Variants in RYR3 observed in about 807,000 individuals in gnomAD.
The protein encoded by RYR3 is ryanodine receptor 3, also known as brain ryanodine receptor-calcium release channel.
Under a neutral mutation model 584.3 loss-of-function variants are expected in RYR3, and 207 were observed. The observed-to-expected ratio is 0.35, with a 90% CI of 0.32 to 0.40. RYR3 has a LOEUF of 0.40. RYR3 is among the 10% of genes least tolerant of loss of function. The pLI is 1.00. For missense variants in RYR3, 5,616 were observed against 6,089.2 expected (o/e 0.92, Z 2.59); for synonymous variants, 2,416 against 2,248.5 (o/e 1.07, Z -2.11).
chr15:33,566,908 C>A, intron 12 of RYR3, 109 bp downstream of exon 12: 3 of 1,239,676 alleles, frequency 2.4e-6, no homozygotes, highest in Non-Finnish European at 3.5e-6. Flanking sequence ...AATAATGATA[C>A]ACCAGCAAAG....
At chr15:33,646,629 G>C in intron 29 of RYR3, 103 bp downstream of exon 29, 1 of 1,044,316 alleles carries the variant, frequency 9.6e-7, no homozygotes, top group East Asian at 2.4e-5. Flanking sequence ...CACTGATAGG[G>C]TTCTCTCTGC....
chr15:33,688,822 C>T (rs2065202622), intron 38 of RYR3, among the ~76,000 whole-genome samples: 1 of 152,074 alleles, frequency 6.6e-6, no homozygotes, highest in Non-Finnish European at 1.5e-5. Context: ...TGTGGCAATT[C>T]CTCAAGGATC....
intron 46 of RYR3, 39 bp downstream of exon 46, chr15:33,726,545 A>G: frequency 6.5e-7 from 1 of 1,549,912 alleles, no homozygotes; most frequent in Non-Finnish European, 8.7e-7. Flanking sequence ...GCAGTCTCCC[A>G]GCAGCCACTG....
chr15:33,479,659 T>C (rs911680944), intron 2 of RYR3, among the ~76,000 whole-genome samples: 1 of 152,126 alleles, frequency 6.6e-6, no homozygotes, highest in African/African-American at 2.4e-5. Flanking sequence ...TCATGAAGAT[T>C]GTTCATTCCA....
At chr15:33,636,223 A>G (rs1188711974) in intron 26 of RYR3, among the ~76,000 whole-genome samples, 153 bp from the exon 27 acceptor site, 4 of 152,162 alleles carry the variant, frequency 2.6e-5, no homozygotes, top group Non-Finnish European at 1.5e-5. Context: ...CATTTATAAC[A>G]TAGACCACTC....
chr15:33,742,401 C>A lies in RYR3; in HGVS notation c.7856C>A (p.Thr2619Asn), dbSNP rs772138404. 6 of 1,613,272 alleles carry A rather than the reference C, an allele frequency of 3.7e-6. No homozygotes were observed. Among genetic ancestry groups the A allele is most frequent in the East Asian group, 4.5e-5 (2 of 44,882 alleles). The change falls in exon 52 of 104, where the codon ACC (threonine) becomes AAC (asparagine). Residue 2619 changes from threonine (T) to asparagine (N), a missense_variant. Physicochemically the swap from Thr to Asn is moderately conservative, Grantham distance 65. Around this residue, in one of 9 missense-constraint regions of RYR3, gnomAD observed 1,280 missense variants for 1,426.2 expected, o/e 0.90. Coordinates refer to ENST00000634891, the MANE Select transcript of RYR3 (RefSeq NM_001036.6). The stretch of plus-strand genomic sequence containing the variant: ...CCTGAAAAATTGGAATACATCGTCA[C>A]CAAGTATGCTGAGCATTCACATGAT... The part of the protein sequence containing the change: ...SLPEKLEYIV[T>N]KYAEHSHDKW...
intron 63 of RYR3, among the ~76,000 whole-genome samples, chr15:33,772,658 C>T (rs1007603237): frequency 2.0e-5 from 3 of 152,200 alleles, no homozygotes; most frequent in African/African-American, 4.8e-5. Flanking sequence ...AGTGCCACCA[C>T]CTCCTCCAGC....
Position 33,586,111 on chromosome 15 carries a change from C to T in RYR3, c.1783C>T (p.His595Tyr), listed in dbSNP as rs746502688. 2.5e-6 allele frequency: 4 copies of T among 1,588,640 alleles called. No individual in the cohort carries two copies. The Admixed American group carries it at 5.0e-5, about 20-fold the overall frequency. The change falls in exon 16 of 104, where the codon CAC becomes TAC. Residue 595 changes from histidine to tyrosine, a missense_variant. By Grantham distance (83) the His-to-Tyr change is moderately conservative (BLOSUM62 2). This residue lies in a region of RYR3 where 1,284 missense variants were observed against 1,344.6 expected (regional missense o/e 0.95). Coordinates refer to ENST00000634891, the MANE Select transcript of RYR3 (RefSeq NM_001036.6). ...CCTGTTGGATAAGCACGGGCGGAAT[C>T]ACAAGGTAGGTGTGGAAAGAACGGT... The part of the protein sequence containing the change: ...ISLLDKHGRN[H>Y]KVLDILCSLC...
chr15:33,699,653 A>G lies in RYR3; in HGVS notation c.6250-51A>G, dbSNP rs977867924. On this transcript the variant is annotated intron_variant, in intron 40 of 103. Coordinates refer to ENST00000634891, the MANE Select transcript of RYR3 (RefSeq NM_001036.6). ...AGACTCTGAGGTCAGAGTTTTCAGA[A>G]AGGCCTCATGATAGATTCTTTTGTC... 21 of 1,561,942 alleles carry G rather than the reference A, an allele frequency of 1.3e-5. No homozygotes were observed. The Admixed American group carries it at 2.1e-4, about 16-fold the overall frequency.
chr15:33,476,651 T>G (rs908644623), intron 2 of RYR3, among the ~76,000 whole-genome samples: 17 of 152,316 alleles, frequency 1.1e-4, no homozygotes, highest in African/African-American at 4.1e-4. Flanking sequence ...ATTTTGGCTT[T>G]CGGGAGTAAA....
chr15:33,583,737 A>G (rs895318371), intron 14 of RYR3, among the ~76,000 whole-genome samples: 1 of 152,178 alleles, frequency 6.6e-6, no homozygotes, highest in African/African-American at 2.4e-5. Context: ...CTTGGGCAAC[A>G]TAGTGAGACC....
intron 92 of RYR3, among the ~76,000 whole-genome samples, chr15:33,844,516 C>T (rs559153262): frequency 7.2e-5 from 11 of 152,286 alleles, no homozygotes; most frequent in Admixed American, 1.3e-4. Context: ...ACATCCTTCA[C>T]GCTTGTGTGT....
chr15:33,853,119 A>G, intron 95 of RYR3, 32 bp downstream of exon 95: 1 of 1,540,390 alleles, frequency 6.5e-7, no homozygotes, highest in Non-Finnish European at 8.8e-7. Flanking sequence ...GAGTTCCGTG[A>G]TCACCAAAAA....
intron 2 of RYR3, among the ~76,000 whole-genome samples, chr15:33,486,263 G>A (rs1034186318): frequency 6.6e-6 from 1 of 152,122 alleles, no homozygotes; most frequent in African/African-American, 2.4e-5. Flanking sequence ...GTGTTATCAG[G>A]GCCATGCTCC....
chr15:33,588,426 A>G (rs1299543871), intron 16 of RYR3, among the ~76,000 whole-genome samples: 2 of 152,214 alleles, frequency 1.3e-5, no homozygotes, highest in African/African-American at 4.8e-5. Flanking sequence ...AAACTTTTGC[A>G]GTGAAAAATT....
At chr15:33,651,765 G>T (rs1156519192) in intron 31 of RYR3, among the ~76,000 whole-genome samples, 3 of 152,134 alleles carry the variant, frequency 2.0e-5, no homozygotes, top group Admixed American at 6.5e-5. Flanking sequence ...TGTTTAAAGG[G>T]GCTGCTCTTG....
chr15:33,771,369 A>C (rs2073558810), intron 62 of RYR3, among the ~76,000 whole-genome samples: 1 of 152,128 alleles, frequency 6.6e-6, no homozygotes, highest in Non-Finnish European at 1.5e-5. Context: ...CCCCGTCTCT[A>C]CTAAAAATAC....
At chr15:33,403,971 T>C (rs1169408213) in intron 1 of RYR3, among the ~76,000 whole-genome samples, 2 of 152,198 alleles carry the variant, frequency 1.3e-5, no homozygotes, top group East Asian at 1.9e-4. Context: ...AAAAAGCATA[T>C]GGAATATCTT....
chr15:33,658,201 G>T (rs1204817529), intron 32 of RYR3, among the ~76,000 whole-genome samples: 1 of 152,174 alleles, frequency 6.6e-6, no homozygotes, highest in African/African-American at 2.4e-5. Context: ...TTCTTTTCTA[G>T]AGCTCAGTAT....
Sources: allele counts gnomAD v4.1 joint callset (sites outside exome capture counted in the v4.1 genomes callset), GRCh38; gene constraint gnomAD v4.1.1; regional missense constraint gnomAD v4.1.1; transcripts MANE v1.5; gene names NCBI Gene and HGNC (gene_info 2026-07-23, HGNC 2026-07-21).